MACROD2: variants seen among roughly 807,000 people sequenced by gnomAD.
MACROD2 encodes mono-ADP ribosylhydrolase 2, also known as ADP-ribose glycohydrolase MACROD2.
A neutral mutation model predicts 70.4 loss-of-function variants in MACROD2; 36 were observed. The observed-to-expected ratio is 0.51, with a 90% CI of 0.39 to 0.68. The LOEUF (loss-of-function observed/expected upper bound fraction) is 0.68. MACROD2 is among the 30% of genes least tolerant of loss of function. The probability of loss-of-function intolerance (pLI) is 0.00; values close to 1 mark genes in which losing one functional copy is unlikely to be tolerated. For synonymous variants in MACROD2, 172 were observed against 178.8 expected, an observed-to-expected ratio of 0.96 and a Z score of 0.30; for missense variants, 496 against 538.4, an observed-to-expected ratio of 0.92 and a Z score of 0.78.
chr20:15,731,878 C>A lies in MACROD2; in HGVS notation c.646-130867C>A, dbSNP rs180788611. 5.8e-4 allele frequency among the ~76,000 whole-genome samples: 33 copies of A among 56,460 alleles called. 12 individuals are homozygous for A. The highest frequency in any genetic ancestry group is 1.6e-3 in the African/African-American group (33 of 20,012). The allele number at this position is 56,460 out of a possible 152,430, so 37.0% of individuals were successfully genotyped here. On this transcript the variant is annotated intron_variant, in intron 8 of 17. Transcript: ENST00000684519. ...TCAAGACATTCTCCTGCCTCAGCTT[C>A]CTGAGTAGCTGGAATTACAGGCATC...
chr20:14,359,349 C>G (rs566717781), intron 3 of MACROD2, among the ~76,000 whole-genome samples: 4 of 152,170 alleles, frequency 2.6e-5, no homozygotes, highest in Admixed American at 2.6e-4. Flanking sequence ...GCAAAGAGAA[C>G]TCATGCACAT....
In MACROD2 at chr20:15,930,704, G is replaced by A. The variant is rs147335496; in HGVS notation, c.776-2572G>A. 3.2e-3 allele frequency among the ~76,000 whole-genome samples: 485 copies of A among 152,250 alleles called. 3 individuals are homozygous for A. Among genetic ancestry groups the A allele is most frequent in the African/African-American group, 0.011 (449 of 41,540 alleles). On this transcript the variant is annotated intron_variant, in intron 10 of 17. Transcript: ENST00000684519. The stretch of plus-strand genomic sequence containing the variant: ...GCTGAGACTCAAAGAGAAAACAAAA[G>A]CATGCCACTCAGATGTCTGTTCTAG...
intron 2 of MACROD2, among the ~76,000 whole-genome samples, chr20:14,023,844 G>A (rs879882875): frequency 1.1e-4 from 17 of 152,148 alleles, no homozygotes; most frequent in Non-Finnish European, 2.2e-4. Context: ...GATGCCTCCA[G>A]CTTTGTTCTT....
At chr20:14,619,439 G>A (rs1245528254) in intron 4 of MACROD2, among the ~76,000 whole-genome samples, 10 of 56,438 alleles carry the variant, frequency 1.8e-4, no homozygotes, top group Non-Finnish European at 2.5e-4. Context: ...GGAAGGGAGG[G>A]AGGGAGGAAG....
At chr20:15,084,077 T>TTTTG (rs1555780897) in intron 5 of MACROD2, among the ~76,000 whole-genome samples, 1 of 145,708 alleles carries the variant, frequency 6.9e-6, no homozygotes, top group African/African-American at 2.6e-5. Flanking sequence ...TTTTTGTTTT[T>TTTTG]TTTTTTTAAT....
intron 5 of MACROD2, among the ~76,000 whole-genome samples, chr20:14,920,567 A>T (rs963545973): frequency 1.3e-4 from 20 of 152,266 alleles, no homozygotes; most frequent in African/African-American, 4.8e-4. Context: ...TAAATTATTG[A>T]AGACAGAACT....
intron 8 of MACROD2, among the ~76,000 whole-genome samples, chr20:15,779,781 T>C (rs1197915359): frequency 6.6e-6 from 1 of 152,112 alleles, no homozygotes; most frequent in Non-Finnish European, 1.5e-5. Context: ...ACTTCCATTA[T>C]TGTAGAAAAC....
intron 8 of MACROD2, among the ~76,000 whole-genome samples, chr20:15,743,762 T>C (rs1435996239): frequency 6.6e-6 from 1 of 152,166 alleles, no homozygotes; most frequent in Non-Finnish European, 1.5e-5. Context: ...AGTTCTCTCG[T>C]TTAGCACAGA....
chr20:14,407,690 A>G (rs1197481224), intron 3 of MACROD2, among the ~76,000 whole-genome samples: 2 of 152,118 alleles, frequency 1.3e-5, no homozygotes, highest in Admixed American at 6.6e-5. Context: ...GAAACTACCA[A>G]TGTCTTAGCT....
At chr20:15,234,677 A>G (rs1601277266) in intron 6 of MACROD2, among the ~76,000 whole-genome samples, 1 of 152,160 alleles carries the variant, frequency 6.6e-6, no homozygotes, top group South Asian at 2.1e-4. Context: ...TATACATGAT[A>G]TCCTTGGCTA....
intron 3 of MACROD2, among the ~76,000 whole-genome samples, chr20:14,153,188 G>A (rs1022882131): frequency 6.6e-6 from 1 of 152,104 alleles, no homozygotes; most frequent in Non-Finnish European, 1.5e-5. Flanking sequence ...AGCAAGAGGA[G>A]GAGTGATGAA....
At chr20:14,513,822 C>A (rs1568647781) in intron 4 of MACROD2, among the ~76,000 whole-genome samples, 1 of 151,840 alleles carries the variant, frequency 6.6e-6, no homozygotes, top group Non-Finnish European at 1.5e-5. Context: ...TTTAATATTC[C>A]TCTATAAGTC....
chr20:15,956,374 A>C (rs1396793014), intron 12 of MACROD2, among the ~76,000 whole-genome samples: 1 of 152,184 alleles, frequency 6.6e-6, no homozygotes, highest in African/African-American at 2.4e-5. Flanking sequence ...CACTAAATCT[A>C]ATGTGAAGGA....
At chr20:14,898,129 A>G (rs936485973) in intron 5 of MACROD2, among the ~76,000 whole-genome samples, 21 of 152,210 alleles carry the variant, frequency 1.4e-4, no homozygotes, top group African/African-American at 5.1e-4. Flanking sequence ...TATTTTTAAA[A>G]GATAACTCTT....
intron 3 of MACROD2, among the ~76,000 whole-genome samples, chr20:14,443,279 T>C (rs947906657): frequency 7.3e-5 from 11 of 150,598 alleles, no homozygotes; most frequent in Non-Finnish European, 1.6e-4. Context: ...ATTAAGAGGG[T>C]ATAGGGTGTA....
rs142914181 is a variant in MACROD2 at position 14,902,222 on chromosome 20, T to G, written c.418+217263T>G. On this transcript the variant is annotated intron_variant, in intron 5 of 17. Transcript: ENST00000684519. Reference sequence around the variant, plus strand: ...AAATCAAATTTTCCTGAAGCAGCCATAGCTGAATTAGTTGTTTTACTTTTC... The same window carrying G: ...AAATCAAATTTTCCTGAAGCAGCCAGAGCTGAATTAGTTGTTTTACTTTTC... Among the ~76,000 whole-genome samples, 1,100 of 152,330 alleles carry G rather than the reference T, an allele frequency of 7.2e-3. 8 individuals carry two copies. The highest frequency in any genetic ancestry group is 0.031 in the Middle Eastern group (9 of 294).
chr20:14,854,670 G>C (rs778947037), intron 5 of MACROD2, among the ~76,000 whole-genome samples: 1 of 152,180 alleles, frequency 6.6e-6, no homozygotes, highest in East Asian at 1.9e-4. Context: ...ATGCAGGAAA[G>C]AATGCAGGTT....
chr20:15,153,509 A>G (rs984039343), intron 5 of MACROD2, among the ~76,000 whole-genome samples: 8 of 152,158 alleles, frequency 5.3e-5, no homozygotes, highest in East Asian at 1.9e-4. Context: ...GACACACACT[A>G]TAGCAGTTCC....
chr20:14,156,128 C>T (rs929590744), intron 3 of MACROD2, among the ~76,000 whole-genome samples: 2 of 152,070 alleles, frequency 1.3e-5, no homozygotes, highest in African/African-American at 2.4e-5. Flanking sequence ...TGCCACTGCA[C>T]TCCAGCCTGG....
Sources: allele counts gnomAD v4.1 joint callset (sites outside exome capture counted in the v4.1 genomes callset), GRCh38; gene constraint gnomAD v4.1.1; transcripts MANE v1.5; gene names NCBI Gene and HGNC (gene_info 2026-07-23, HGNC 2026-07-21).